Variants in DAZL observed in about 807,000 individuals in gnomAD.
DAZL encodes deleted in azoospermia-like.
DAZL carries 4 observed loss-of-function variants against 45.0 expected under a neutral mutation model. The observed-to-expected ratio is 0.09, with a 90% CI of 0.04 to 0.20. DAZL has a LOEUF of 0.20. Among genes scored for constraint, DAZL ranks in the 10% least tolerant of loss-of-function variants. The pLI is 1.00. For missense variants in DAZL, 326 were observed against 351.3 expected (o/e 0.93, Z 0.58); for synonymous variants, 122 against 112.4 (o/e 1.09, Z -0.54).
chr3:16,602,247 C>T (rs567052070), intron 1 of DAZL, among the ~76,000 whole-genome samples: 66 of 152,170 alleles, frequency 4.3e-4, no homozygotes, highest in African/African-American at 1.4e-3. Context: ...TAAAACAATG[C>T]TATGCATAAA....
intron 1 of DAZL, among the ~76,000 whole-genome samples, chr3:16,604,964 C>T (rs1258158864): frequency 6.6e-6 from 1 of 152,216 alleles, no homozygotes; most frequent in Non-Finnish European, 1.5e-5. Context: ...GCAGCGCGTC[C>T]TCGGGGCCCA....
chr3:16,603,339 A>G (rs1240384206), intron 1 of DAZL, among the ~76,000 whole-genome samples: 5 of 146,508 alleles, frequency 3.4e-5, no homozygotes, highest in African/African-American at 1.2e-4. Flanking sequence ...TTACACAAGG[A>G]TATTCATAGC....
chr3:16,605,358 A>T lies in DAZL; in HGVS notation c.-153T>A, dbSNP rs1031843930. 22 of 940,486 alleles carry T rather than the reference A, an allele frequency of 2.3e-5. No individual in the cohort carries two copies. Among genetic ancestry groups the T allele is most frequent in the Non-Finnish European group, 2.6e-5 (15 of 581,490 alleles). The allele number at this position is 940,486 out of a possible 1,614,324, so 58.3% of individuals were successfully genotyped here. On this transcript the variant is annotated 5_prime_UTR_variant, in exon 1 of 11. The change creates a new upstream start codon in the 5' untranslated region. Transcript: ENST00000399444. Reference sequence around the variant, plus strand: ...AAAGATGAAGAGAAAAGGAAAACCAAGAGCGGGTGACAAGGCTGAGGAGCC... The same window carrying T: ...AAAGATGAAGAGAAAAGGAAAACCATGAGCGGGTGACAAGGCTGAGGAGCC...
At chr3:16,601,168 C>T (rs964557923) in intron 1 of DAZL, among the ~76,000 whole-genome samples, 2 of 152,162 alleles carry the variant, frequency 1.3e-5, no homozygotes, top group African/African-American at 4.8e-5. Context: ...AGTTTCCTTG[C>T]TTGAAAATGA....
intron 8 of DAZL, 40 bp downstream of exon 8, chr3:16,594,493 T>C (rs368172748): frequency 2.0e-6 from 3 of 1,474,816 alleles, no homozygotes; most frequent in African/African-American, 1.4e-5. Flanking sequence ...AAAAATACTT[T>C]AAAATAACAG....
chr3:16,604,651 A>G, intron 1 of DAZL: 2 of 1,361,034 alleles, frequency 1.5e-6, no homozygotes, highest in Non-Finnish European at 1.9e-6. Context: ...TACAGGGACC[A>G]GGAGGGAACC....
intron 10 of DAZL, among the ~76,000 whole-genome samples, chr3:16,589,576 T>C (rs1208098729): frequency 6.6e-6 from 1 of 152,214 alleles, no homozygotes; most frequent in African/African-American, 2.4e-5. Flanking sequence ...GAATTAGCTA[T>C]GGAAATAGTA....
chr3:16,604,621 A>AACCCCCCCC, intron 1 of DAZL: 1 of 1,361,970 alleles, frequency 7.3e-7, no homozygotes, highest in Non-Finnish European at 9.4e-7. Flanking sequence ...GCCCCCACGA[A>AACCCCCCCC]CCCCGCCCAC....
chr3:16,589,295 T>G (rs1016137443), intron 10 of DAZL, among the ~76,000 whole-genome samples: 8 of 152,128 alleles, frequency 5.3e-5, no homozygotes, highest in Non-Finnish European at 8.8e-5. Flanking sequence ...GAGAAAAAAG[T>G]GAGAGGCCTT....
In DAZL at chr3:16,605,332, CA is replaced by C. The variant is rs1479342668; in HGVS notation, c.-128del. On this transcript the variant is annotated 5_prime_UTR_variant, in exon 1 of 11. Transcript: ENST00000399444. ...CGCGGCTTCGAGTGGTCAAAGGAGC[CA>C]AAGATGAAGAGAAAAGGAAAACCAA... The C allele has an allele frequency of 3.4e-6, 4 of 1,174,584 alleles. No homozygotes were observed. Among genetic ancestry groups the C allele is most frequent in the Non-Finnish European group, 5.1e-6 (4 of 780,942 alleles). The allele number at this position is 1,174,584 out of a possible 1,614,324, so 72.8% of individuals were successfully genotyped here.
At chr3:16,589,498 T>C (rs774035416) in intron 10 of DAZL, among the ~76,000 whole-genome samples, 1 of 152,158 alleles carries the variant, frequency 6.6e-6, no homozygotes, top group African/African-American at 2.4e-5. Context: ...GTCACCAACA[T>C]GTATCTTCAC....
intron 9 of DAZL, among the ~76,000 whole-genome samples, chr3:16,592,555 C>T (rs71310353): frequency 3.5e-5 from 5 of 142,362 alleles, no homozygotes; most frequent in Admixed American, 7.2e-5. Flanking sequence ...GGCAACACAG[C>T]GAGACTCTGT....
At chr3:16,595,433 A>T (rs765382982) in intron 6 of DAZL, 48 bp from the exon 7 acceptor site, 24 of 1,127,464 alleles carry the variant, frequency 2.1e-5, no homozygotes, top group Non-Finnish European at 3.0e-5. Context: ...AACATTTTTT[A>T]AAATTAGAAA....
chr3:16,598,673 T>C, intron 1 of DAZL, 75 bp from the exon 2 acceptor site: 4 of 1,425,470 alleles, frequency 2.8e-6, no homozygotes, highest in Non-Finnish European at 3.7e-6. Flanking sequence ...ATAATTTTTG[T>C]ATTTTAAGTA....
chr3:16,593,527 A>T (rs1298474932), intron 9 of DAZL, 128 bp downstream of exon 9: 62 of 642,064 alleles, frequency 9.7e-5, no homozygotes, highest in Non-Finnish European at 1.6e-5. Flanking sequence ...AAGCCAGTCA[A>T]CTAACTCTTC....
At chr3:16,589,847 G>A (rs1475014292) in intron 10 of DAZL, among the ~76,000 whole-genome samples, 2 of 151,354 alleles carry the variant, frequency 1.3e-5, no homozygotes, top group African/African-American at 4.9e-5. Flanking sequence ...AGGATCACTT[G>A]AGCCCAGGAG....
At chr3:16,604,462 A>C (rs752870380) in intron 1 of DAZL, 2 of 1,532,452 alleles carry the variant, frequency 1.3e-6, no homozygotes, top group South Asian at 2.4e-5. Context: ...AGATGGCGTC[A>C]GGCGAGCTTT....
In DAZL at chr3:16,596,735, T is replaced by C; in HGVS notation, c.498+15A>G. Reference sequence around the variant, plus strand: ...TACAATAAACAAGAGAATAGGAACGTTAAGCAATTCTTACCTGAACATACT... The same window carrying C: ...TACAATAAACAAGAGAATAGGAACGCTAAGCAATTCTTACCTGAACATACT... On this transcript the variant is annotated intron_variant, in intron 6 of 10. Transcript: ENST00000399444. The C allele has an allele frequency of 6.2e-7, 1 of 1,613,194 alleles. No homozygotes were observed.
At chr3:16,605,158 G>T (rs1408767668) in intron 1 of DAZL, 45 bp downstream of exon 1, 7 of 1,613,634 alleles carry the variant, frequency 4.3e-6, no homozygotes, top group Non-Finnish European at 5.9e-6. Flanking sequence ...ACCCACGAGT[G>T]AAGACTCCGC....
Sources: allele counts gnomAD v4.1 joint callset (sites outside exome capture counted in the v4.1 genomes callset), GRCh38; gene constraint gnomAD v4.1.1; transcripts MANE v1.5; gene names NCBI Gene and HGNC (gene_info 2026-07-23, HGNC 2026-07-21).